NCBP3: variants seen among roughly 807,000 people sequenced by gnomAD.
NCBP3 encodes nuclear cap binding subunit 3.
NCBP3 carries 20 observed loss-of-function variants against 75.7 expected under a neutral mutation model. That is an observed-to-expected ratio of 0.26 (90% CI 0.19 to 0.38). The LOEUF is 0.38. Ranked by LOEUF, NCBP3 falls within the 10% of genes least tolerant of loss-of-function variation. The pLI is 1.00. For missense variants in NCBP3, 678 were observed against 796.9 expected (o/e 0.85, Z 1.80); for synonymous variants, 293 against 290.5 (o/e 1.01, Z -0.09).
At chr17:3,828,863 A>G (rs944490967) in intron 4 of NCBP3, among the ~76,000 whole-genome samples, 2 of 152,184 alleles carry the variant, frequency 1.3e-5, no homozygotes, top group African/African-American at 4.8e-5. Context: ...GAGTAACAGT[A>G]CAGAAGGCAG....
At position 3,806,549 on chromosome 17, in the gene NCBP3, G is replaced by A. The variant is rs1225801677; in HGVS notation, c.*6495C>T. 6.6e-6 allele frequency: 1 copy of A among 152,076 alleles called. No individual in the cohort carries two copies. Among genetic ancestry groups the A allele is most frequent in the African/African-American group, 2.4e-5 (1 of 41,408 alleles). 9.4% of individuals were successfully genotyped at this position (152,076 alleles called of 1,614,324 possible). On this transcript the variant is annotated 3_prime_UTR_variant, in exon 13 of 13. Transcript: ENST00000389005. ...ATGAACAGTAAGAATCCTGAGGCAG[G>A]GTACTGACCTTGGTAGGTGAAATAC...
Position 3,812,918 on chromosome 17 carries a change from AGCG to A in NCBP3, c.*123_*125del. On this transcript the variant is annotated 3_prime_UTR_variant, in exon 13 of 13. Coordinates refer to ENST00000389005, the MANE Select transcript of NCBP3 (RefSeq NM_001114118.3). ...TAAGATGTCTTGCCGAAGTAGCAAG[AGCG>A]GAGGGTGACTGTGTGAGCAGGAGCG... 1 of 1,501,080 alleles carries A rather than the reference AGCG, an allele frequency of 6.7e-7. No homozygotes were observed. The highest frequency in any genetic ancestry group is 8.9e-7 in the Non-Finnish European group (1 of 1,129,714). 93.0% of individuals were successfully genotyped at this position (1,501,080 alleles called of 1,614,324 possible).
intron 3 of NCBP3, among the ~76,000 whole-genome samples, chr17:3,832,183 CAAA>C (rs754603661): frequency 4.7e-4 from 14 of 30,010 alleles, no homozygotes; most frequent in African/African-American, 7.1e-4. Flanking sequence ...GACTCCGTCG[CAAA>C]AAAAAAAAAA....
rs2053279953 is a variant in NCBP3 at position 3,802,530 on chromosome 17, G to C, written c.*10514C>G. 2 of 152,346 alleles carry C rather than the reference G, an allele frequency of 1.3e-5. No individual in the cohort carries two copies. Among genetic ancestry groups the C allele is most frequent in the Admixed American group, 1.3e-4 (2 of 15,298 alleles). The allele number at this position is 152,346 out of a possible 1,614,324, so 9.4% of individuals were successfully genotyped here. A position where few individuals can be genotyped will look rare whatever the true frequency, so the allele number is the denominator to read the frequency against. ...GTTGTAAAAGCAAAATTCCAGGTCT[G>C]GTGGTTTTCCTGCCAGGTCATGATG... is the stretch of plus-strand genomic sequence containing the variant. On this transcript the variant is annotated 3_prime_UTR_variant, in exon 13 of 13. Coordinates refer to ENST00000389005, the MANE Select transcript of NCBP3 (RefSeq NM_001114118.3).
chr17:3,846,201 C>T lies in NCBP3; in HGVS notation c.23G>A (p.Arg8Gln). MAAVRGL[R>Q]VSVKAEAPAG... Reference sequence around the variant, plus strand: ...CGGGGCCTCCGCCTTCACCGACACCCGCAGGCCCCGTACGGCCGCCATCGC... The same window carrying T: ...CGGGGCCTCCGCCTTCACCGACACCTGCAGGCCCCGTACGGCCGCCATCGC... Residue 8 changes from arginine to glutamine, a missense_variant, in exon 1 of 13, where the codon CGG becomes CAG. Coordinates refer to ENST00000389005, the MANE Select transcript of NCBP3 (RefSeq NM_001114118.3). This position sits in a 1 kb window ranked among gnomAD's most constrained non-coding sequence, Gnocchi z 4.6. 1.3e-6 allele frequency: 2 copies of T among 1,482,966 alleles called. No individual in the cohort carries two copies. The highest frequency in any genetic ancestry group is 1.8e-6 in the Non-Finnish European group (2 of 1,119,588). The allele number at this position is 1,482,966 out of a possible 1,614,324, so 91.9% of individuals were successfully genotyped here.
chr17:3,823,769 G>T lies in NCBP3; in HGVS notation c.796+1173C>A, dbSNP rs564027614. ...CAAATGGAAGAATAGCAACTTTACA[G>T]TGGAAAAACCTAGTGATGATTACCT... On this transcript the variant is annotated intron_variant, in intron 7 of 12. Transcript: ENST00000389005. 2.0e-5 allele frequency: 3 copies of T among 152,242 alleles called. No homozygotes were observed. The East Asian group carries it at 5.8e-4, about 29-fold the overall frequency. 9.4% of individuals were successfully genotyped at this position (152,242 alleles called of 1,614,324 possible). A position where few individuals can be genotyped will look rare whatever the true frequency, so the allele number is the denominator to read the frequency against.
At chr17:3,844,135 C>A (rs1377470270) in intron 1 of NCBP3, among the ~76,000 whole-genome samples, 3 of 152,226 alleles carry the variant, frequency 2.0e-5, no homozygotes, top group African/African-American at 7.2e-5. Flanking sequence ...CAACCCTCCA[C>A]CTCAACGCAG....
At chr17:3,828,064 G>A (rs1031472740) in intron 4 of NCBP3, among the ~76,000 whole-genome samples, 2 of 152,148 alleles carry the variant, frequency 1.3e-5, no homozygotes, top group African/African-American at 4.8e-5. Flanking sequence ...GATTACAGGT[G>A]TGCATCGCCA....
chr17:3,840,919 A>T (rs1175005784), intron 2 of NCBP3, among the ~76,000 whole-genome samples: 1 of 152,226 alleles, frequency 6.6e-6, no homozygotes, highest in Non-Finnish European at 1.5e-5. Context: ...GTTTCTTCTA[A>T]GAGCTAAAAT....
chr17:3,835,138 T>C (rs987406285), intron 3 of NCBP3, among the ~76,000 whole-genome samples: 11 of 152,168 alleles, frequency 7.2e-5, no homozygotes, highest in Non-Finnish European at 1.2e-4. Flanking sequence ...ACGATGAAAA[T>C]GCACTCAGCA....
At position 3,807,120 on chromosome 17, in the gene NCBP3, C is replaced by G. The variant is rs1291974061; in HGVS notation, c.*5924G>C. The G allele has an allele frequency of 1.3e-5, 2 of 152,250 alleles. No homozygotes were observed. The highest frequency in any genetic ancestry group is 2.9e-5 in the Non-Finnish European group (2 of 68,038). 9.4% of individuals were successfully genotyped at this position (152,250 alleles called of 1,614,324 possible). ...AATGCTGCTTTAGGCAAAAGAGCCA[C>G]TGGAGGAATGAGCTCTGCTCTTTTC... On this transcript the variant is annotated 3_prime_UTR_variant, in exon 13 of 13. Coordinates refer to ENST00000389005, the MANE Select transcript of NCBP3 (RefSeq NM_001114118.3).
chr17:3,843,204 A>T, intron 1 of NCBP3, 53 bp from the exon 2 acceptor site: 2 of 1,446,114 alleles, frequency 1.4e-6, no homozygotes, highest in Non-Finnish European at 1.9e-6. Flanking sequence ...GGAAAAACCT[A>T]TAATAAAAGT....
In NCBP3 at chr17:3,840,173, C is replaced by T. The variant is rs1356649357; in HGVS notation, c.282G>A (p.Lys94=). 2 of 1,551,734 alleles carry T rather than the reference C, an allele frequency of 1.3e-6. No homozygotes were observed. The highest frequency in any genetic ancestry group is 1.7e-6 in the Non-Finnish European group (2 of 1,146,994). Residue 94 remains lysine, a synonymous_variant, in exon 3 of 13, where the codon AAG becomes AAA. Coordinates refer to ENST00000389005, the MANE Select transcript of NCBP3 (RefSeq NM_001114118.3). ...TTACTTCCGATCGAAAATGGAAGCG[C>T]TTGGCTCGCTGCTCTTTCTTTTCAA... The part of the protein sequence containing the change: ...EAIEKKEQRA[K]RFHFRSEVNL...
chr17:3,826,324 T>A (rs1396070593), intron 4 of NCBP3, 109 bp from the exon 5 acceptor site: 1 of 1,086,236 alleles, frequency 9.2e-7, no homozygotes, highest in African/African-American at 1.6e-5. Flanking sequence ...CAACAGATTA[T>A]CATCAGTAAA....
intron 2 of NCBP3, among the ~76,000 whole-genome samples, chr17:3,841,832 C>CAAAA (rs35136635): frequency 8.8e-6 from 1 of 113,968 alleles, no homozygotes; most frequent in Non-Finnish European, 1.7e-5. Flanking sequence ...GACTCTGTCT[C>CAAAA]AAAAAAAAAA....
At position 3,812,784 on chromosome 17, in the gene NCBP3, CT is replaced by C; in HGVS notation, c.*259del. ...ATGTCTACAAAATCTGGAGGGCTGC[CT>C]TTTTCTCAAAGGGTAAAGCCTGTGG... On this transcript the variant is annotated 3_prime_UTR_variant, in exon 13 of 13. Transcript: ENST00000389005. The C allele has an allele frequency of 2.3e-6, 3 of 1,301,740 alleles. No individual in the cohort carries two copies. Among genetic ancestry groups the C allele is most frequent in the Non-Finnish European group, 2.9e-6 (3 of 1,022,512 alleles). The allele number at this position is 1,301,740 out of a possible 1,614,324, so 80.6% of individuals were successfully genotyped here.
chr17:3,837,238 C>T (rs2053989252), intron 3 of NCBP3, among the ~76,000 whole-genome samples: 1 of 151,746 alleles, frequency 6.6e-6, no homozygotes, highest in Non-Finnish European at 1.5e-5. Flanking sequence ...GTGGCTCACA[C>T]CTGTAATCCC....
chr17:3,826,992 A>G (rs970493418), intron 4 of NCBP3, among the ~76,000 whole-genome samples: 1 of 148,884 alleles, frequency 6.7e-6, no homozygotes, highest in Non-Finnish European at 1.5e-5. Flanking sequence ...AGCCTGGGCG[A>G]CAGAGCGAGA....
chr17:3,835,788 G>A (rs537922659), intron 3 of NCBP3, among the ~76,000 whole-genome samples: 2 of 152,352 alleles, frequency 1.3e-5, no homozygotes, highest in Admixed American at 1.3e-4. Context: ...TGGGCATAAA[G>A]AGACTGAACC....
Sources: gnomAD v4.1 joint callset for allele counts (sites outside exome capture counted in the v4.1 genomes callset) on GRCh38, gnomAD v4.1.1 for gene constraint, Gnocchi (gnomAD v3.1) non-coding constraint, MANE v1.5 for transcripts, NCBI Gene and HGNC (gene_info 2026-07-23, HGNC 2026-07-21) for gene names.